ACOXL: variants seen among roughly 807,000 people sequenced by gnomAD.
The protein encoded by ACOXL is acyl-coenzyme A oxidase-like protein.
Under a neutral mutation model 71.9 loss-of-function variants are expected in ACOXL, and 70 were observed. That is an observed-to-expected ratio of 0.97 (90% confidence interval 0.80 to 1.19). The LOEUF (loss-of-function observed/expected upper bound fraction) is 1.19. Ranked by LOEUF, ACOXL falls within the 50% of genes most tolerant of loss-of-function variation. The pLI is 0.00. For synonymous variants in ACOXL, 253 were observed against 281.6 expected (o/e 0.90, Z 1.02); for missense variants, 703 against 736.3 (o/e 0.95, Z 0.52).
chr2:111,007,477 TG>T (rs2063930907), intron 14 of ACOXL, among the ~76,000 whole-genome samples: 1 of 152,246 alleles, frequency 6.6e-6, no homozygotes, highest in African/African-American at 2.4e-5. Context: ...TTTTATGCTT[TG>T]GGTTACAATC....
chr2:110,875,159 A>G (rs973439538), intron 10 of ACOXL, among the ~76,000 whole-genome samples: 14 of 152,124 alleles, frequency 9.2e-5, no homozygotes, highest in Admixed American at 3.9e-4. Context: ...CCACGTGCCT[A>G]CCTAAGCCAG....
intron 10 of ACOXL, among the ~76,000 whole-genome samples, chr2:110,877,540 A>C (rs1696079350): frequency 2.0e-5 from 3 of 152,236 alleles, no homozygotes; most frequent in Admixed American, 2.0e-4. Flanking sequence ...AGCTGAAAAC[A>C]GAACTTAACC....
intron 12 of ACOXL, among the ~76,000 whole-genome samples, chr2:110,956,898 ACACT>A (rs2061522038): frequency 6.6e-6 from 1 of 152,214 alleles, no homozygotes; most frequent in South Asian, 2.1e-4. Flanking sequence ...AACCTTCATG[ACACT>A]CACAATAGTT....
At chr2:110,957,609 G>C (rs1010159058) in intron 12 of ACOXL, among the ~76,000 whole-genome samples, 2 of 152,180 alleles carry the variant, frequency 1.3e-5, no homozygotes, top group Non-Finnish European at 2.9e-5. Flanking sequence ...TCCTCTGTGT[G>C]TGTCTGTGTC....
chr2:110,880,229 C>CATAGACATAGA (rs1696477519), intron 10 of ACOXL, among the ~76,000 whole-genome samples: 1 of 151,116 alleles, frequency 6.6e-6, no homozygotes, highest in Admixed American at 6.6e-5. Flanking sequence ...GAAATGCAGA[C>CATAGACATAGA]ATAGACATAG....
chr2:110,740,060 T>G (rs983169415), intron 1 of ACOXL, among the ~76,000 whole-genome samples: 1 of 152,214 alleles, frequency 6.6e-6, no homozygotes, highest in African/African-American at 2.4e-5. Flanking sequence ...TGTACCAAAT[T>G]TAATTATGCC....
intron 16 of ACOXL, among the ~76,000 whole-genome samples, chr2:111,077,234 T>C (rs2067649998): frequency 6.6e-6 from 1 of 152,226 alleles, no homozygotes; most frequent in African/African-American, 2.4e-5. Flanking sequence ...TGTTTTTCTG[T>C]TTAGTAGTTG....
chr2:111,039,050 A>G (rs2065655664), intron 15 of ACOXL, among the ~76,000 whole-genome samples: 1 of 152,236 alleles, frequency 6.6e-6, no homozygotes, highest in Non-Finnish European at 1.5e-5. Flanking sequence ...TGTCTTAAAA[A>G]CAAGAATTAA....
intron 15 of ACOXL, among the ~76,000 whole-genome samples, chr2:111,048,362 G>A (rs2066119394): frequency 6.6e-6 from 1 of 152,224 alleles, no homozygotes; most frequent in Non-Finnish European, 1.5e-5. Context: ...AGCAATCAAA[G>A]GCTAAACTAG....
intron 17 of ACOXL, among the ~76,000 whole-genome samples, chr2:111,112,663 G>T (rs2070070911): frequency 6.6e-6 from 1 of 152,232 alleles, no homozygotes; most frequent in Non-Finnish European, 1.5e-5. Context: ...TTAACTACTT[G>T]ATTGTGCCCA....
intron 10 of ACOXL, among the ~76,000 whole-genome samples, chr2:110,904,592 A>G (rs1279582936): frequency 1.3e-5 from 2 of 152,238 alleles, no homozygotes; most frequent in Non-Finnish European, 2.9e-5. Context: ...AGCTTGGCAG[A>G]TCAGAAGAGG....
At chr2:111,044,935 C>T (rs1487500597) in intron 15 of ACOXL, among the ~76,000 whole-genome samples, 1 of 152,140 alleles carries the variant, frequency 6.6e-6, no homozygotes, top group Non-Finnish European at 1.5e-5. Flanking sequence ...TCCTTGATCC[C>T]CAACCTCAAA....
At chr2:111,109,671 A>ATTT (rs869081161) in intron 17 of ACOXL, among the ~76,000 whole-genome samples, 4,627 of 75,698 alleles carry the variant, frequency 0.061, 855 homozygotes, top group African/African-American at 0.081. Flanking sequence ...TTCTCCTTCT[A>ATTT]TTTTTTTTTT....
At chr2:110,926,074 A>G (rs779664365) in intron 11 of ACOXL, among the ~76,000 whole-genome samples, 1 of 152,096 alleles carries the variant, frequency 6.6e-6, no homozygotes, top group Non-Finnish European at 1.5e-5. Flanking sequence ...AATTAAGTTC[A>G]CTGTCTTATG....
chr2:110,944,050 TA>T (rs1284225296), intron 12 of ACOXL, among the ~76,000 whole-genome samples: 1 of 152,168 alleles, frequency 6.6e-6, no homozygotes, highest in Non-Finnish European at 1.5e-5. Context: ...GCCATACTTT[TA>T]TTTTTTTATT....
intron 13 of ACOXL, among the ~76,000 whole-genome samples, chr2:110,988,760 C>T (rs1037991722): frequency 6.6e-5 from 10 of 152,110 alleles, no homozygotes; most frequent in African/African-American, 2.2e-4. Context: ...TGAATTTTCT[C>T]AATTACTATT....
At chr2:110,773,584 C>T (rs947337597) in intron 2 of ACOXL, among the ~76,000 whole-genome samples, 1 of 152,192 alleles carries the variant, frequency 6.6e-6, no homozygotes, top group East Asian at 1.9e-4. Context: ...GGCTCCTGAC[C>T]GACGGACAGA....
At chr2:110,746,502 G>A (rs973692494) in intron 1 of ACOXL, among the ~76,000 whole-genome samples, 1 of 152,072 alleles carries the variant, frequency 6.6e-6, no homozygotes, top group South Asian at 2.1e-4. Flanking sequence ...ACAAGTAAGT[G>A]CATGAGTGGC....
At chr2:110,790,772 A>G (rs143741821) in intron 3 of ACOXL, among the ~76,000 whole-genome samples, 35 of 151,870 alleles carry the variant, frequency 2.3e-4, no homozygotes, top group South Asian at 8.3e-4. Context: ...CCTACCTCCC[A>G]TTAGCCTCAG....
Sources: gnomAD v4.1 joint callset for allele counts (sites outside exome capture counted in the v4.1 genomes callset) on GRCh38, gnomAD v4.1.1 for gene constraint, MANE v1.5 for transcripts, NCBI Gene and HGNC (gene_info 2026-07-23, HGNC 2026-07-21) for gene names.